ATF2: variants seen among roughly 807,000 people sequenced by gnomAD.
ATF2 encodes cyclic AMP-dependent transcription factor ATF-2.
ATF2 carries 24 observed loss-of-function variants against 60.6 expected under a neutral mutation model. The ratio of observed to expected loss-of-function variants is 0.40; its 90% CI spans 0.29 to 0.56. The LOEUF is 0.56. Ranked by LOEUF, ATF2 falls within the 20% of genes least tolerant of loss-of-function variation. ATF2 has a pLI of 0.54. For missense variants in ATF2, 433 were observed against 607.7 expected, an observed-to-expected ratio of 0.71 and a Z score of 3.02; for synonymous variants, 206 against 215.4, an observed-to-expected ratio of 0.96 and a Z score of 0.38.
chr2:175,090,550 T>C (rs1202474469), intron 12 of ATF2, among the ~76,000 whole-genome samples: 2 of 152,096 alleles, frequency 1.3e-5, no homozygotes, highest in Non-Finnish European at 2.9e-5. Flanking sequence ...TGATAATATA[T>C]CATTTTGGAT....
chr2:175,085,181 A>G (rs1694065979), intron 12 of ATF2, among the ~76,000 whole-genome samples: 1 of 152,188 alleles, frequency 6.6e-6, no homozygotes, highest in African/African-American at 2.4e-5. Context: ...ACAAAATGCT[A>G]TATGTGACAA....
chr2:175,091,039 A>G (rs1559055755), intron 12 of ATF2, among the ~76,000 whole-genome samples: 1 of 152,174 alleles, frequency 6.6e-6, no homozygotes. Context: ...AGATTGCTCT[A>G]AAATGGGTCA....
At chr2:175,129,108 T>A (rs1370301078) in intron 4 of ATF2, among the ~76,000 whole-genome samples, 2 of 152,172 alleles carry the variant, frequency 1.3e-5, no homozygotes, top group Non-Finnish European at 2.9e-5. Flanking sequence ...ATCCATCAGA[T>A]GAACAGATAA....
chr2:175,157,120 C>T, intron 1 of ATF2, among the ~76,000 whole-genome samples: 1 of 152,190 alleles, frequency 6.6e-6, no homozygotes, highest in Non-Finnish European at 1.5e-5. Flanking sequence ...AAGATGCACT[C>T]AAATCAATGG....
chr2:175,082,930 A>C (rs1375610200), intron 12 of ATF2, among the ~76,000 whole-genome samples: 1 of 152,144 alleles, frequency 6.6e-6, no homozygotes, highest in African/African-American at 2.4e-5. Flanking sequence ...ATAAGAATCC[A>C]ACTTACAAGG....
chr2:175,123,723 CTCATA>C (rs963585795), intron 4 of ATF2, among the ~76,000 whole-genome samples: 4 of 151,914 alleles, frequency 2.6e-5, no homozygotes, highest in Non-Finnish European at 5.9e-5. Flanking sequence ...TTTATAAACT[CTCATA>C]TAAGATCCAC....
chr2:175,154,237 ATAT>A (rs1699519087), intron 1 of ATF2, among the ~76,000 whole-genome samples: 3 of 135,830 alleles, frequency 2.2e-5, no homozygotes, highest in African/African-American at 8.7e-5. Flanking sequence ...AAAAAAAAAT[ATAT>A]ATATATATAT....
intron 3 of ATF2, among the ~76,000 whole-genome samples, chr2:175,135,111 G>A (rs62184513): frequency 0.031 from 4,781 of 151,816 alleles, 118 homozygotes; most frequent in Admixed American, 0.092. Flanking sequence ...GAAGGGGGAG[G>A]AGGAGGAACA....
At chr2:175,138,497 T>C (rs1260010864) in intron 2 of ATF2, among the ~76,000 whole-genome samples, 3 of 152,192 alleles carry the variant, frequency 2.0e-5, no homozygotes, top group African/African-American at 7.2e-5. Context: ...CTTTTAGGTA[T>C]ACTTTGAGAG....
intron 9 of ATF2, 79 bp downstream of exon 9, chr2:175,113,915 C>A: frequency 8.4e-7 from 1 of 1,193,986 alleles, no homozygotes; most frequent in Non-Finnish European, 1.2e-6. Flanking sequence ...ATTTCATAAG[C>A]CAGTCAAGCA....
chr2:175,130,198 C>T lies in ATF2; in HGVS notation c.42G>A (p.Lys14=). 6.3e-7 allele frequency: 1 copy of T among 1,581,242 alleles called. No homozygotes were observed. The highest frequency in any genetic ancestry group is 8.6e-7 in the Non-Finnish European group (1 of 1,162,770). ...KLHVNSARQY[K]DLWNMSDDKP... is the part of the protein sequence containing the mutation. ...TGTCATCACTCATATTCCACAGGTC[C>T]TTGTATTGCCTATAATCAAACAGAA... is the stretch of plus-strand genomic sequence containing the variant. Residue 14 remains lysine, a synonymous_variant, in exon 4 of 14, where the codon AAG becomes AAA. Transcript: ENST00000264110.
At chr2:175,098,029 C>T (rs1695052738) in intron 10 of ATF2, among the ~76,000 whole-genome samples, 2 of 152,290 alleles carry the variant, frequency 1.3e-5, no homozygotes, top group South Asian at 4.1e-4. Flanking sequence ...TTTATGTCTA[C>T]CACTTTATCA....
At position 175,073,038 on chromosome 2, in the gene ATF2, A is replaced by G. The variant is rs1362384679; in HGVS notation, c.*1571T>C. 6.6e-6 allele frequency: 1 copy of G among 152,186 alleles called. No homozygotes were observed. Among genetic ancestry groups the G allele is most frequent in the African/African-American group, 2.4e-5 (1 of 41,462 alleles). 9.4% of individuals were successfully genotyped at this position (152,186 alleles called of 1,614,324 possible). The stretch of plus-strand genomic sequence containing the variant: ...GTGTAGTATGGATGCAGGACAAACT[A>G]CACAACTTATTATAAATGCATTACA... On this transcript the variant is annotated 3_prime_UTR_variant, in exon 14 of 14. Coordinates refer to ENST00000264110, the MANE Select transcript of ATF2 (RefSeq NM_001880.4).
At chr2:175,141,748 C>T (rs1328760954) in intron 2 of ATF2, among the ~76,000 whole-genome samples, 2 of 152,054 alleles carry the variant, frequency 1.3e-5, no homozygotes, top group Non-Finnish European at 2.9e-5. Flanking sequence ...CCGCCTTGGC[C>T]TCCCGAAGTG....
chr2:175,159,475 A>G (rs1478067243), intron 1 of ATF2, among the ~76,000 whole-genome samples: 1 of 152,190 alleles, frequency 6.6e-6, no homozygotes, highest in Non-Finnish European at 1.5e-5. Flanking sequence ...GGAAAGCAGC[A>G]GTATTTTTTC....
intron 2 of ATF2, among the ~76,000 whole-genome samples, chr2:175,144,592 G>C (rs112488902): frequency 1.3e-5 from 2 of 152,348 alleles, no homozygotes; most frequent in African/African-American, 2.4e-5. Context: ...CTGCACGGGA[G>C]GTAGCTCAGA....
In ATF2 at chr2:175,072,283, C is replaced by T. The variant is rs1692992954; in HGVS notation, c.*2326G>A. 1 of 151,972 alleles carries T rather than the reference C, an allele frequency of 6.6e-6. No homozygotes were observed. The highest frequency in any genetic ancestry group is 1.5e-5 in the Non-Finnish European group (1 of 67,984). 9.4% of individuals were successfully genotyped at this position (151,972 alleles called of 1,614,324 possible). Reference sequence around the variant, plus strand: ...ATAATTTAAAGATAGAATTTATTCTCTGATGGTTTACTCATGCAAACTGCA... The same window carrying T: ...ATAATTTAAAGATAGAATTTATTCTTTGATGGTTTACTCATGCAAACTGCA... On this transcript the variant is annotated 3_prime_UTR_variant, in exon 14 of 14. Transcript: ENST00000264110.
intron 1 of ATF2, among the ~76,000 whole-genome samples, chr2:175,164,137 T>C (rs1028737318): frequency 4.0e-5 from 6 of 149,504 alleles, no homozygotes; most frequent in Admixed American, 3.3e-4. Flanking sequence ...AGTTTCAAGG[T>C]TGTCAAAAAG....
At chr2:175,149,381 T>C (rs1699157947) in intron 2 of ATF2, among the ~76,000 whole-genome samples, 1 of 152,166 alleles carries the variant, frequency 6.6e-6, no homozygotes, top group Admixed American at 6.6e-5. Flanking sequence ...CACTCCCCCA[T>C]TAAAGAAAAA....
Sources: gnomAD v4.1 joint callset for allele counts (sites outside exome capture counted in the v4.1 genomes callset) on GRCh38, gnomAD v4.1.1 for gene constraint, MANE v1.5 for transcripts, NCBI Gene and HGNC (gene_info 2026-07-23, HGNC 2026-07-21) for gene names.